The following SEMA4D variants were observed in gnomAD, a reference collection of about 807,000 sequenced individuals.
SEMA4D encodes semaphorin 4D.
A neutral mutation model predicts 74.8 loss-of-function variants in SEMA4D; 22 were observed. The ratio of observed to expected loss-of-function variants is 0.29; its 90% CI spans 0.21 to 0.42. SEMA4D has a LOEUF of 0.42. SEMA4D is among the 10% of genes least tolerant of loss of function. The probability of loss-of-function intolerance (pLI) is 1.00; values close to 1 mark genes in which losing one functional copy is unlikely to be tolerated. For missense variants in SEMA4D, 937 were observed against 1,118.4 expected (o/e 0.84, Z 2.31); for synonymous variants, 445 against 463.7 (o/e 0.96, Z 0.52).
At chr9:89,385,028 C>T (rs911428431) in intron 13 of SEMA4D, 1 of 985,274 alleles carries the variant, frequency 1.0e-6, no homozygotes, top group Non-Finnish European at 1.2e-6. Flanking sequence ...GTAGGACCAG[C>T]AAGCGCTTCC....
At chr9:89,467,667 G>T (rs930865798) in intron 1 of SEMA4D, among the ~76,000 whole-genome samples, 4 of 151,958 alleles carry the variant, frequency 2.6e-5, no homozygotes, top group Non-Finnish European at 5.9e-5. Context: ...AAGTAGCTGG[G>T]ATTGTAGGTG....
chr9:89,386,994 T>C (rs527369643), intron 12 of SEMA4D, among the ~76,000 whole-genome samples: 7 of 152,366 alleles, frequency 4.6e-5, no homozygotes, highest in African/African-American at 1.2e-4. Flanking sequence ...ACCTGGCTCC[T>C]CGGCCAGGAA....
intron 5 of SEMA4D, among the ~76,000 whole-genome samples, chr9:89,397,481 G>A (rs372986681): frequency 9.9e-5 from 15 of 152,180 alleles, no homozygotes; most frequent in Non-Finnish European, 1.6e-4. Context: ...CCTGGAGCCC[G>A]GCTTGGCATC....
chr9:89,457,242 A>C (rs574850417), intron 1 of SEMA4D, among the ~76,000 whole-genome samples: 1 of 148,124 alleles, frequency 6.8e-6, no homozygotes, highest in Non-Finnish European at 1.5e-5. Context: ...AGCGCCTGAC[A>C]GGTGGGGAGC....
chr9:89,472,008 G>A (rs1650639927), intron 1 of SEMA4D, among the ~76,000 whole-genome samples: 1 of 152,204 alleles, frequency 6.6e-6, no homozygotes, highest in Non-Finnish European at 1.5e-5. Flanking sequence ...TGACTCAGAT[G>A]CATACAGGCT....
chr9:89,424,096 C>A (rs1163855746), intron 2 of SEMA4D, among the ~76,000 whole-genome samples: 1 of 151,810 alleles, frequency 6.6e-6, no homozygotes, highest in Non-Finnish European at 1.5e-5. Context: ...TCACCTTCCC[C>A]AGCTACTCCC....
At chr9:89,495,249 G>A (rs1408088028) in intron 1 of SEMA4D, among the ~76,000 whole-genome samples, 1 of 152,132 alleles carries the variant, frequency 6.6e-6, no homozygotes, top group Admixed American at 6.5e-5. Context: ...CCCAGCTAAA[G>A]GCAAATTCGC....
rs1412190153 is a variant in SEMA4D, at chr9:89,428,166, A to G, written c.-243-22467T>C. 2.0e-5 allele frequency among the ~76,000 whole-genome samples: 3 copies of G among 151,666 alleles called. No homozygotes were observed. The East Asian group carries it at 5.8e-4, about 29-fold the overall frequency. ...ACCACCGCTGACCTGTCATGGAGGG[A>G]TACGGCCCCCACACTGAACAATTCC... On this transcript the variant is annotated intron_variant, in intron 2 of 15. Transcript: ENST00000422704.
intron 16 of SEMA4D, among the ~76,000 whole-genome samples, chr9:89,372,094 TG>T (rs1311692424): frequency 2.6e-5 from 1 of 37,864 alleles, no homozygotes; most frequent in Non-Finnish European, 4.6e-5. Flanking sequence ...GGTGTGTGTG[TG>T]GGGGGTGTGA....
rs1417656974 is a variant in SEMA4D, at chr9:89,378,553, G to A, written c.*151C>T. On this transcript the variant is annotated 3_prime_UTR_variant, in exon 16 of 16. Transcript: ENST00000422704. ...ACCAAGTCACAGGCTCAACCCAAGA[G>A]AAAATAGACAAGAGGACTGAGGTTG... 1 of 616,936 alleles carries A rather than the reference G, an allele frequency of 1.6e-6. No homozygotes were observed. The highest frequency in any genetic ancestry group is 2.8e-6 in the Non-Finnish European group (1 of 351,240). The allele number at this position is 616,936 out of a possible 1,614,324, so 38.2% of individuals were successfully genotyped here.
intron 1 of SEMA4D, among the ~76,000 whole-genome samples, chr9:89,474,777 C>A (rs975861113): frequency 6.6e-6 from 1 of 152,268 alleles, no homozygotes; most frequent in Non-Finnish European, 1.5e-5. Flanking sequence ...TCCCACACCA[C>A]CACGTTCCTC....
At position 89,363,421 on chromosome 9, in the gene SEMA4D, GC is replaced by G. The variant is rs763762551; in HGVS notation, c.2190+8del. Reference sequence around the variant, plus strand: ...GCCCTCCTTTCTTTGCCCGGCTGCGGCCACTTACCCACGCCTTCCTCCAGCT... The same window carrying G: ...GCCCTCCTTTCTTTGCCCGGCTGCGGCACTTACCCACGCCTTCCTCCAGCT... On this transcript the variant is annotated splice_region_variant and intron_variant, in intron 18 of 18. Coordinates refer to the SEMA4D transcript ENST00000339861. The G allele has an allele frequency of 3.0e-5, 48 of 1,611,310 alleles. No homozygotes were observed. The African/African-American group carries it at 6.3e-4, about 21-fold the overall frequency.
chr9:89,363,106 C>T (rs1248004410), intron 18 of SEMA4D, among the ~76,000 whole-genome samples: 3 of 152,186 alleles, frequency 2.0e-5, no homozygotes, highest in African/African-American at 7.2e-5. Context: ...GAGTGGCTGG[C>T]TGAGTGCTCT....
At chr9:89,363,616 C>A in intron 17 of SEMA4D, 2 of 1,593,608 alleles carry the variant, frequency 1.3e-6, no homozygotes, top group South Asian at 1.1e-5. Context: ...CAATGGAAAG[C>A]CAATAAAACC....
At chr9:89,435,080 T>C (rs1459421455) in intron 2 of SEMA4D, among the ~76,000 whole-genome samples, 2 of 152,092 alleles carry the variant, frequency 1.3e-5, no homozygotes. Flanking sequence ...GAGCTCAGAG[T>C]CTACCTGGGC....
At chr9:89,494,631 G>A (rs1171274320) in intron 1 of SEMA4D, among the ~76,000 whole-genome samples, 7 of 152,168 alleles carry the variant, frequency 4.6e-5, no homozygotes, top group Non-Finnish European at 1.0e-4. Flanking sequence ...TGTTTTACAG[G>A]GAGGAATTGG....
chr9:89,392,951 T>G (rs1840176093), intron 7 of SEMA4D, among the ~76,000 whole-genome samples: 1 of 152,146 alleles, frequency 6.6e-6, no homozygotes, highest in African/African-American at 2.4e-5. Flanking sequence ...GGTCTTGAAC[T>G]CCTGACCTCA....
intron 2 of SEMA4D, among the ~76,000 whole-genome samples, chr9:89,417,322 A>C (rs572437453): frequency 6.6e-6 from 1 of 152,338 alleles, no homozygotes; most frequent in African/African-American, 2.4e-5. Flanking sequence ...TAAGCACAGA[A>C]AGTGCTGTCT....
intron 2 of SEMA4D, among the ~76,000 whole-genome samples, chr9:89,438,530 G>C (rs1850955761): frequency 6.6e-6 from 1 of 152,242 alleles, no homozygotes; most frequent in Admixed American, 6.5e-5. Flanking sequence ...AGCTATGCCA[G>C]TCAAACCCAC....
Sources: allele counts gnomAD v4.1 joint callset (sites outside exome capture counted in the v4.1 genomes callset), GRCh38; gene constraint gnomAD v4.1.1; transcripts MANE v1.5; gene names NCBI Gene and HGNC (gene_info 2026-07-23, HGNC 2026-07-21).